Variants in CDH13 observed in about 807,000 individuals in gnomAD.
CDH13 encodes the protein cadherin-13.
Under a neutral mutation model 63.8 loss-of-function variants are expected in CDH13, and 24 were observed. That is an observed-to-expected ratio of 0.38 (90% CI 0.27 to 0.53). CDH13 has a LOEUF of 0.53. CDH13 is among the 20% of genes least tolerant of loss of function. The probability of loss-of-function intolerance (pLI) is 0.85; values close to 1 mark genes in which losing one functional copy is unlikely to be tolerated. For missense variants in CDH13, 1,049 were observed against 903.1 expected, an observed-to-expected ratio of 1.16 and a Z score of -2.07; for synonymous variants, 503 against 355.3, an observed-to-expected ratio of 1.42 and a Z score of -4.67.
intron 4 of CDH13, among the ~76,000 whole-genome samples, chr16:83,204,187 C>G (rs796866665): frequency 3.9e-5 from 6 of 152,310 alleles, no homozygotes; most frequent in African/African-American, 1.4e-4. Context: ...TTGAGTGCTC[C>G]TACCCAACTC....
chr16:83,738,233 AC>A (rs1413076695), intron 10 of CDH13, among the ~76,000 whole-genome samples: 5 of 152,232 alleles, frequency 3.3e-5, no homozygotes, highest in Non-Finnish European at 7.4e-5. Context: ...GAGGGAATAC[AC>A]TGCTGTCTTC....
chr16:83,110,434 G>A (rs1171465070), intron 3 of CDH13, among the ~76,000 whole-genome samples: 3 of 152,164 alleles, frequency 2.0e-5, no homozygotes, highest in African/African-American at 7.2e-5. Context: ...CTTGCAATGC[G>A]GAAGAGCACT....
At chr16:83,078,837 C>G (rs28704833) in intron 3 of CDH13, among the ~76,000 whole-genome samples, 3,994 of 152,176 alleles carry the variant, frequency 0.026, 178 homozygotes, top group African/African-American at 0.088. Flanking sequence ...GTTGTCAGCC[C>G]GGGCTGGAGT....
chr16:83,078,840 G>C (rs950558843), intron 3 of CDH13, among the ~76,000 whole-genome samples: 44 of 152,162 alleles, frequency 2.9e-4, no homozygotes, highest in Non-Finnish European at 5.0e-4. Context: ...GTCAGCCCGG[G>C]CTGGAGTGCA....
At chr16:82,896,276 A>ATTTTTTTTTTT (rs59677448) in intron 2 of CDH13, among the ~76,000 whole-genome samples, 954 of 87,734 alleles carry the variant, frequency 0.011, 116 homozygotes, top group Non-Finnish European at 0.014. Context: ...TAGGATTAGG[A>ATTTTTTTTTTT]TTTTTTTTTT....
intron 1 of CDH13, among the ~76,000 whole-genome samples, chr16:82,835,088 C>G (rs986979205): frequency 6.6e-6 from 1 of 152,146 alleles, no homozygotes; most frequent in Non-Finnish European, 1.5e-5. Context: ...TTCTTTAACC[C>G]AATATATTCA....
chr16:82,975,161 G>A (rs1053907640), intron 2 of CDH13, among the ~76,000 whole-genome samples: 1 of 152,244 alleles, frequency 6.6e-6, no homozygotes, highest in African/African-American at 2.4e-5. Context: ...TAGGGTGGTT[G>A]AGGTGAGATG....
intron 4 of CDH13, among the ~76,000 whole-genome samples, chr16:83,140,943 A>T (rs373342720): frequency 6.6e-6 from 1 of 152,196 alleles, no homozygotes; most frequent in Non-Finnish European, 1.5e-5. Flanking sequence ...ATGACCAGTT[A>T]TCTTGGTCTA....
chr16:83,378,800 G>A (rs976649299), intron 6 of CDH13, among the ~76,000 whole-genome samples: 9 of 152,062 alleles, frequency 5.9e-5, no homozygotes, highest in African/African-American at 1.9e-4. Context: ...TAGAACTGTC[G>A]TGACCATTAC....
intron 2 of CDH13, among the ~76,000 whole-genome samples, chr16:82,883,349 C>T (rs908820974): frequency 1.3e-5 from 2 of 152,204 alleles, no homozygotes; most frequent in Admixed American, 1.3e-4. Context: ...AGAAAGGAAG[C>T]AGCTGTTGTA....
At chr16:83,443,279 G>T (rs2072537442) in intron 6 of CDH13, among the ~76,000 whole-genome samples, 1 of 152,150 alleles carries the variant, frequency 6.6e-6, no homozygotes, top group Non-Finnish European at 1.5e-5. Flanking sequence ...CCACGCCTCT[G>T]AGAAAGAGGC....
chr16:83,458,569 C>A (rs953665548), intron 6 of CDH13, among the ~76,000 whole-genome samples: 1 of 152,174 alleles, frequency 6.6e-6, no homozygotes, highest in Admixed American at 6.5e-5. Context: ...ATCTTGTGGT[C>A]ATCTTTCCAT....
At chr16:83,780,738 T>C (rs940606670) in intron 12 of CDH13, among the ~76,000 whole-genome samples, 1 of 152,200 alleles carries the variant, frequency 6.6e-6, no homozygotes, top group Non-Finnish European at 1.5e-5. Flanking sequence ...ACAGATTCTT[T>C]GTTTGTAACT....
rs554464185 is a variant in CDH13, at chr16:82,786,763, T to C, written c.46-71599T>C. Among the ~76,000 whole-genome samples the C allele has an allele frequency of 3.3e-5, 5 of 151,628 alleles. No individual in the cohort carries two copies. In the South Asian group the frequency reaches 1.0e-3, roughly 32 times the overall value. On this transcript the variant is annotated intron_variant, in intron 1 of 13. Coordinates refer to ENST00000567109, the MANE Select transcript of CDH13 (RefSeq NM_001257.5). ...AGTGAGAACATGCGGTGTTTGGTTTTCTGTCCTTGCAATCGTTTGCTCAGA... is the reference window on the plus strand; with the variant it reads ...AGTGAGAACATGCGGTGTTTGGTTTCCTGTCCTTGCAATCGTTTGCTCAGA...
At chr16:83,542,394 G>T (rs1030370803) in intron 7 of CDH13, among the ~76,000 whole-genome samples, 28 of 152,120 alleles carry the variant, frequency 1.8e-4, no homozygotes, top group African/African-American at 6.8e-4. Context: ...TGTTAGGTGC[G>T]TATCACAACA....
intron 1 of CDH13, among the ~76,000 whole-genome samples, chr16:82,710,802 GTATA>G (rs2031880939): frequency 6.8e-6 from 1 of 148,096 alleles, no homozygotes; most frequent in Non-Finnish European, 1.5e-5. Context: ...TAACCTATAA[GTATA>G]TATGTATGTT....
At chr16:83,063,968 G>A (rs2031794564) in intron 3 of CDH13, among the ~76,000 whole-genome samples, 1 of 152,182 alleles carries the variant, frequency 6.6e-6, no homozygotes, top group African/African-American at 2.4e-5. Context: ...AGCAGGCTAA[G>A]TATGAAAAAT....
At chr16:83,743,743 T>A (rs1030491790) in intron 10 of CDH13, among the ~76,000 whole-genome samples, 31 of 91,526 alleles carry the variant, frequency 3.4e-4, no homozygotes, top group Non-Finnish European at 5.7e-4. Context: ...CCTTTTTTCT[T>A]TTTTCTTTTT....
chr16:83,754,165 G>C (rs943445874), intron 11 of CDH13, among the ~76,000 whole-genome samples: 1 of 152,142 alleles, frequency 6.6e-6, no homozygotes, highest in African/African-American at 2.4e-5. Context: ...AGAAAACAGA[G>C]ACCTACCAAA....
Sources: gnomAD v4.1 joint callset for allele counts (sites outside exome capture counted in the v4.1 genomes callset) on GRCh38, gnomAD v4.1.1 for gene constraint, MANE v1.5 for transcripts, NCBI Gene and HGNC (gene_info 2026-07-23, HGNC 2026-07-21) for gene names.